Variants in ELF4 observed in about 807,000 individuals in gnomAD.
ELF4 encodes the protein ETS-related transcription factor Elf-4.
ELF4 carries 10 observed loss-of-function variants against 31.7 expected under a neutral mutation model. That is an observed-to-expected ratio of 0.32 (90% CI 0.19 to 0.54). The LOEUF (loss-of-function observed/expected upper bound fraction) is 0.54. ELF4 is among the 20% of genes least tolerant of loss of function. The pLI is 0.95. For synonymous variants in ELF4, 208 were observed against 226.7 expected, an observed-to-expected ratio of 0.92 and a Z score of 0.74; for missense variants, 418 against 522.0, an observed-to-expected ratio of 0.80 and a Z score of 1.94.
At chrX:130,101,356 G>A (rs1169869093) in intron 1 of ELF4, among the ~76,000 whole-genome samples, 4 of 112,563 alleles carry the variant, frequency 3.6e-5, no homozygotes, top group African/African-American at 1.3e-4. Context: ...GGTAATAAAT[G>A]AAGAGCAAAT....
Position 130,066,908 on chromosome X carries a change from G to A in ELF4, c.1805C>T (p.Pro602Leu). The change falls in exon 9 of 9, where the codon CCC becomes CTC. Residue 602 changes from proline to leucine, a missense_variant. Physicochemically the swap from Pro to Leu is moderately conservative, Grantham distance 98 (BLOSUM62 -3). This residue lies in a region of ELF4 where 260 missense variants were observed against 269.2 expected (regional missense o/e 0.97). Transcript: ENST00000308167. ...SLLGNQTLSP[P>L]SRPTVGLTPV... ...GGTCAGCCCAACAGTGGGGCGGCTG[G>A]GAGGAGACAAAGTCTGGTTGCCCAG... The A allele has an allele frequency of 8.2e-7, 1 of 1,212,156 alleles. No individual in the cohort carries two copies. Among genetic ancestry groups the A allele is most frequent in the Non-Finnish European group, 1.1e-6 (1 of 895,589 alleles).
chrX:130,083,824 A>G (rs187334917), intron 1 of ELF4, among the ~76,000 whole-genome samples: 1,431 of 101,665 alleles, frequency 0.014, 22 homozygotes, highest in African/African-American at 0.05. Context: ...GGATGGCTGG[A>G]TGGATGGCTG....
At position 130,067,170 on chromosome X, in the gene ELF4, G is replaced by A. The variant is rs780140297; in HGVS notation, c.1543C>T (p.Gln515Ter). Residue 515 changes from glutamine (Q) to a stop codon, truncating the protein, a stop_gained, in exon 9 of 9, where the codon CAG (glutamine) becomes TAG (stop). Coordinates refer to ENST00000308167, the MANE Select transcript of ELF4 (RefSeq NM_001421.4). LOFTEE classifies it high-confidence loss of function. ...TGAGPAGPSSQPPGTVIAAFI... is the reference protein window; with the variant it reads ...TGAGPAGPSS ...GCAGCAATGACAGTCCCAGGGGGCTGAGAGCTGGGCCCTGCTGGTCCAGCC... is the reference window on the plus strand; with the variant it reads ...GCAGCAATGACAGTCCCAGGGGGCTAAGAGCTGGGCCCTGCTGGTCCAGCC... 1 of 1,205,062 alleles carries A rather than the reference G, an allele frequency of 8.3e-7. No homozygotes were observed. The highest frequency in any genetic ancestry group is 1.1e-6 in the Non-Finnish European group (1 of 891,359).
intron 1 of ELF4, among the ~76,000 whole-genome samples, chrX:130,094,463 A>G (rs2124629730): frequency 9.2e-6 from 1 of 108,210 alleles, no homozygotes; most frequent in East Asian, 2.9e-4. Context: ...GCTACTCGGG[A>G]GGCTAAGGCA....
intron 2 of ELF4, among the ~76,000 whole-genome samples, chrX:130,078,723 C>T (rs911742734): frequency 9.2e-6 from 1 of 108,482 alleles, no homozygotes; most frequent in Non-Finnish European, 1.9e-5. Flanking sequence ...TGCCATTGCA[C>T]TCTAGCCTGA....
upstream of ELF4, among the ~76,000 whole-genome samples, chrX:130,111,216 G>A (rs1169443880): frequency 1.8e-5 from 2 of 111,421 alleles, no homozygotes; most frequent in Non-Finnish European, 3.8e-5. Flanking sequence ...GCCCGGGCGG[G>A]CGCTCCCCAC....
At chrX:130,070,399 C>T in intron 7 of ELF4, among the ~76,000 whole-genome samples, 1 of 110,343 alleles carries the variant, frequency 9.1e-6, no homozygotes, top group Non-Finnish European at 1.9e-5. Context: ...GGTGAAACCC[C>T]CAGTCTCTAC....
At chrX:130,105,160 A>C (rs910292933) in intron 1 of ELF4, among the ~76,000 whole-genome samples, 2 of 110,136 alleles carry the variant, frequency 1.8e-5, no homozygotes, top group Admixed American at 1.9e-4. Context: ...ACAGAGCAAG[A>C]CTCTGCCTCA....
upstream of ELF4, among the ~76,000 whole-genome samples, chrX:130,111,144 G>T (rs377748599): frequency 4.3e-3 from 470 of 108,839 alleles, 4 homozygotes; most frequent in South Asian, 0.011. Flanking sequence ...TCCCCTCGCG[G>T]CTCGCTCGCG....
At chrX:130,089,272 G>A (rs1933010308) in intron 1 of ELF4, among the ~76,000 whole-genome samples, 1 of 108,777 alleles carries the variant, frequency 9.2e-6, no homozygotes, top group Admixed American at 9.8e-5. Context: ...GGAGGCCGAG[G>A]CAGGTGGATT....
upstream of ELF4, among the ~76,000 whole-genome samples, chrX:130,111,160 G>A (rs1933483213): frequency 9.1e-6 from 1 of 110,041 alleles, no homozygotes; most frequent in African/African-American, 3.3e-5. Context: ...TCGCGCCCGG[G>A]GGACCACGAG....
intron 1 of ELF4, among the ~76,000 whole-genome samples, chrX:130,096,926 T>TA (rs200306875): frequency 0.021 from 2,348 of 111,102 alleles, 56 homozygotes; most frequent in African/African-American, 0.074. Flanking sequence ...TCCCTATCTG[T>TA]AAAGTGAAGT....
chrX:130,075,900 T>G, intron 2 of ELF4, among the ~76,000 whole-genome samples: 1 of 111,527 alleles, frequency 9.0e-6, no homozygotes, highest in Non-Finnish European at 1.9e-5. Context: ...AGGGGTTCAA[T>G]TTCCAGCTTC....
intron 1 of ELF4, among the ~76,000 whole-genome samples, chrX:130,095,075 G>C (rs1361846917): frequency 9.0e-6 from 1 of 111,242 alleles, no homozygotes; most frequent in Non-Finnish European, 1.9e-5. Flanking sequence ...TTTCTTTTGC[G>C]CTCTCTGATA....
At chrX:130,105,740 G>C (rs1477650128) in intron 1 of ELF4, among the ~76,000 whole-genome samples, 2 of 111,424 alleles carry the variant, frequency 1.8e-5, no homozygotes, top group African/African-American at 6.5e-5. Context: ...GAACCCTGGG[G>C]AAAAGGTGGG....
At chrX:130,101,369 CAAAT>C (rs890470519) in intron 1 of ELF4, among the ~76,000 whole-genome samples, 3 of 112,439 alleles carry the variant, frequency 2.7e-5, no homozygotes, top group African/African-American at 9.7e-5. Flanking sequence ...GAGCAAATAA[CAAAT>C]AAGTAGTCCT....
At chrX:130,111,842 G>A (rs1055344684), upstream of ELF4, among the ~76,000 whole-genome samples, 1 of 111,926 alleles carries the variant, frequency 8.9e-6, no homozygotes, top group African/African-American at 3.2e-5. Flanking sequence ...CATCAATACC[G>A]CCGCCTACGT....
At position 130,085,071 on chromosome X, in the gene ELF4, AC is replaced by A. The variant is rs759642271; in HGVS notation, c.-209-3533del. On this transcript the variant is annotated intron_variant, in intron 1 of 8. Transcript: ENST00000308167. ...GCTCGGGGAATTGAGGAGCCTGTGA[AC>A]CCTTAGTAACTGGTGGTGAATTCCC... is the stretch of plus-strand genomic sequence containing the variant. 3.6e-5 allele frequency among the ~76,000 whole-genome samples: 4 copies of A among 111,578 alleles called. No individual in the cohort carries two copies. The East Asian group carries it at 8.6e-4, about 24-fold the overall frequency.
At chrX:130,081,695 C>G (rs749258733) in intron 1 of ELF4, among the ~76,000 whole-genome samples, 156 bp from the exon 2 acceptor site, 1 of 112,270 alleles carries the variant, frequency 8.9e-6, no homozygotes, top group South Asian at 3.7e-4. Context: ...AGAAAAGCGA[C>G]AGAGAAGAAA....
Sources: allele counts gnomAD v4.1 joint callset (sites outside exome capture counted in the v4.1 genomes callset), GRCh38; gene constraint gnomAD v4.1.1; regional missense constraint gnomAD v4.1.1; transcripts MANE v1.5; gene names NCBI Gene and HGNC (gene_info 2026-07-23, HGNC 2026-07-21).